Variants in EAPP observed in about 807,000 individuals in gnomAD.
EAPP encodes the protein E2F-associated phosphoprotein.
Under a neutral mutation model 34.3 loss-of-function variants are expected in EAPP, and 38 were observed. The observed-to-expected ratio is 1.11, with a 90% CI of 0.85 to 1.45. The LOEUF is 1.45. EAPP is among the 40% of genes most tolerant of loss of function. The probability of loss-of-function intolerance (pLI) is 0.00; values close to 1 mark genes in which losing one functional copy is unlikely to be tolerated. For missense variants in EAPP, 338 were observed against 343.7 expected (o/e 0.98, Z 0.13); for synonymous variants, 113 against 117.6 (o/e 0.96, Z 0.25).
chr14:34,528,120 C>A (rs1007395080), intron 4 of EAPP, among the ~76,000 whole-genome samples: 8 of 150,062 alleles, frequency 5.3e-5, no homozygotes, highest in Admixed American at 3.4e-4. Context: ...CAGCTCACTG[C>A]AACCTCCACC....
intron 1 of EAPP, 171 bp downstream of exon 1, chr14:34,539,384 C>G: frequency 1.4e-6 from 1 of 738,132 alleles, no homozygotes. Context: ...CGCCTCCCCC[C>G]GGGACTGCGC....
chr14:34,516,110 A>G lies in EAPP; in HGVS notation c.*200T>C. 1 of 499,922 alleles carries G rather than the reference A, an allele frequency of 2.0e-6. No homozygotes were observed. The highest frequency in any genetic ancestry group is 3.4e-6 in the Non-Finnish European group (1 of 291,126). 31.0% of individuals were successfully genotyped at this position (499,922 alleles called of 1,614,324 possible). On this transcript the variant is annotated 3_prime_UTR_variant, in exon 6 of 6. Transcript: ENST00000250454. Reference sequence around the variant, plus strand: ...AAACAGAATGAATATCAGTCCCATCAATAAGGGGGAAAATCAAAGAAAAAA... The same window carrying G: ...AAACAGAATGAATATCAGTCCCATCGATAAGGGGGAAAATCAAAGAAAAAA...
chr14:34,521,712 G>C (rs1467310359), intron 5 of EAPP, among the ~76,000 whole-genome samples: 1 of 147,152 alleles, frequency 6.8e-6, no homozygotes, highest in Non-Finnish European at 1.5e-5. Context: ...TCGGCTCACT[G>C]CAACCTCTGC....
intron 2 of EAPP, among the ~76,000 whole-genome samples, chr14:34,534,411 C>T (rs1490688042): frequency 6.6e-6 from 1 of 152,078 alleles, no homozygotes; most frequent in African/African-American, 2.4e-5. Context: ...GGATTACAGG[C>T]GTGAGCCACT....
At chr14:34,535,437 AT>A (rs71121207) in intron 2 of EAPP, among the ~76,000 whole-genome samples, 53 of 135,266 alleles carry the variant, frequency 3.9e-4, no homozygotes, top group Non-Finnish European at 4.7e-4. Context: ...GTCGCTACAG[AT>A]TTTTTTTTTT....
chr14:34,531,559 G>A (rs1374964036), intron 3 of EAPP, among the ~76,000 whole-genome samples: 1 of 151,944 alleles, frequency 6.6e-6, no homozygotes, highest in Non-Finnish European at 1.5e-5. Context: ...CTGAGATGAC[G>A]CCACTGCACT....
In EAPP at chr14:34,538,642, A is replaced by T. The variant is rs1259244562; in HGVS notation, c.74+913T>A. Among the ~76,000 whole-genome samples, 5 of 150,930 alleles carry T rather than the reference A, an allele frequency of 3.3e-5. 1 individual carries two copies. Among genetic ancestry groups the T allele is most frequent in the Middle Eastern group, 6.8e-3 (2 of 294 alleles). ...ATGTTGCCCAGGCTGTTCCTTTACT[A>T]CCAGGCTTAAGAGATTCTCTCGCCT... On this transcript the variant is annotated intron_variant, in intron 1 of 5. Coordinates refer to ENST00000250454, the MANE Select transcript of EAPP (RefSeq NM_018453.4).
chr14:34,528,807 G>A (rs572220413), intron 4 of EAPP, among the ~76,000 whole-genome samples: 208 of 151,782 alleles, frequency 1.4e-3, no homozygotes, highest in African/African-American at 4.4e-3. Flanking sequence ...ATTGACTAAC[G>A]CAGCCTAAAT....
At chr14:34,517,723 T>G (rs1039564608) in intron 5 of EAPP, among the ~76,000 whole-genome samples, 1 of 152,000 alleles carries the variant, frequency 6.6e-6, no homozygotes, top group Admixed American at 6.6e-5. Flanking sequence ...GGTCTCAATT[T>G]CATTCATTCC....
intron 3 of EAPP, among the ~76,000 whole-genome samples, chr14:34,532,063 G>C (rs193217775): frequency 9.5e-5 from 14 of 146,944 alleles, no homozygotes; most frequent in African/African-American, 3.5e-4. Context: ...GTGACAGAGC[G>C]AGACTCCGTC....
intron 5 of EAPP, among the ~76,000 whole-genome samples, chr14:34,521,610 T>C (rs1879921509): frequency 2.0e-5 from 3 of 151,326 alleles, no homozygotes; most frequent in Admixed American, 6.7e-5. Context: ...GTTCAGCAAA[T>C]ATATTTCTCA....
At chr14:34,529,215 G>A (rs1880196536) in intron 4 of EAPP, 143 bp downstream of exon 4, 1 of 599,562 alleles carries the variant, frequency 1.7e-6, no homozygotes. Flanking sequence ...ATAAACTACT[G>A]AGCAGTTTTT....
At chr14:34,535,797 G>C (rs149429023) in intron 2 of EAPP, 38 of 231,394 alleles carry the variant, frequency 1.6e-4, no homozygotes, top group Admixed American at 1.1e-3. Context: ...TTCAAGAAAC[G>C]GAGGTGGGAA....
chr14:34,517,963 C>T (rs1256973487), intron 5 of EAPP, among the ~76,000 whole-genome samples: 1 of 151,818 alleles, frequency 6.6e-6, no homozygotes, highest in African/African-American at 2.4e-5. Flanking sequence ...TTAGTAGAGA[C>T]AGGGTTTCAC....
chr14:34,529,266 C>G, intron 4 of EAPP, 92 bp downstream of exon 4: 1 of 932,314 alleles, frequency 1.1e-6, no homozygotes, highest in South Asian at 1.5e-5. Context: ...TTTGTGTAAA[C>G]ATATACACAT....
chr14:34,525,991 GC>G, intron 4 of EAPP, among the ~76,000 whole-genome samples: 3 of 152,116 alleles, frequency 2.0e-5, no homozygotes, highest in Admixed American at 2.0e-4. Context: ...CTGCACTCCA[GC>G]CTGGGCGACA....
At chr14:34,534,225 T>C (rs955390305) in intron 2 of EAPP, among the ~76,000 whole-genome samples, 10 of 151,314 alleles carry the variant, frequency 6.6e-5, no homozygotes, top group Non-Finnish European at 1.2e-4. Flanking sequence ...CTCTGCCACC[T>C]GGGTTCAGGT....
chr14:34,521,579 G>C (rs1879919729), intron 5 of EAPP, among the ~76,000 whole-genome samples: 1 of 150,990 alleles, frequency 6.6e-6, no homozygotes, highest in African/African-American at 2.4e-5. Context: ...CTGCTGTTGA[G>C]AGCCTCTAAT....
chr14:34,536,322 A>C, intron 1 of EAPP, 47 bp from the exon 2 acceptor site: 1 of 1,418,888 alleles, frequency 7.0e-7, no homozygotes, highest in Non-Finnish European at 9.4e-7. Context: ...TAAAAATTAA[A>C]ATAATTTTAA....
Sources: gnomAD v4.1 joint callset for allele counts (sites outside exome capture counted in the v4.1 genomes callset) on GRCh38, gnomAD v4.1.1 for gene constraint, MANE v1.5 for transcripts, NCBI Gene and HGNC (gene_info 2026-07-23, HGNC 2026-07-21) for gene names.